Variants in CSMD1 observed in about 807,000 individuals in gnomAD.
The protein encoded by CSMD1 is CUB and Sushi multiple domains 1.
CSMD1 carries 213 observed loss-of-function variants against 417.5 expected under a neutral mutation model. That is an observed-to-expected ratio of 0.51 (90% CI 0.46 to 0.57). The LOEUF is 0.57. Among genes scored for constraint, CSMD1 ranks in the 20% least tolerant of loss-of-function variants. CSMD1 has a pLI of 0.00. For synonymous variants in CSMD1, 2,862 were observed against 1,736.8 expected (o/e 1.65, Z -16.11); for missense variants, 6,923 against 4,529.7 (o/e 1.53, Z -15.17).
At chr8:3,940,679 T>C (rs528589737) in intron 5 of CSMD1, among the ~76,000 whole-genome samples, 9 of 152,134 alleles carry the variant, frequency 5.9e-5, no homozygotes, top group Non-Finnish European at 8.8e-5. Context: ...CAAATTTCTA[T>C]AACATACCTA....
chr8:3,798,445 T>G (rs74402157), intron 5 of CSMD1, among the ~76,000 whole-genome samples: 2,531 of 152,182 alleles, frequency 0.017, 37 homozygotes, highest in Non-Finnish European at 0.027. Flanking sequence ...GATATACTCA[T>G]TTTGATTTCA....
At chr8:4,902,830 C>G (rs1270031847) in intron 1 of CSMD1, among the ~76,000 whole-genome samples, 1 of 151,902 alleles carries the variant, frequency 6.6e-6, no homozygotes, top group Non-Finnish European at 1.5e-5. Flanking sequence ...AATATACATA[C>G]ATACACATAT....
At chr8:4,334,628 C>A (rs1800061662) in intron 3 of CSMD1, among the ~76,000 whole-genome samples, 1 of 152,082 alleles carries the variant, frequency 6.6e-6, no homozygotes, top group Non-Finnish European at 1.5e-5. Context: ...AGAATGCTGA[C>A]TAATACATAG....
At chr8:3,382,753 T>C (rs1227417624) in intron 18 of CSMD1, among the ~76,000 whole-genome samples, 1 of 151,586 alleles carries the variant, frequency 6.6e-6, no homozygotes, top group Non-Finnish European at 1.5e-5. Context: ...TTATTTCATG[T>C]GTATATTACA....
At position 3,115,203 on chromosome 8, in the gene CSMD1, C is replaced by G. The variant is rs1042797757; in HGVS notation, c.6430+3196G>C. Among the ~76,000 whole-genome samples the G allele has an allele frequency of 1.6e-4, 23 of 141,150 alleles. 1 individual carries two copies. Among genetic ancestry groups the G allele is most frequent in the South Asian group, 9.9e-4 (4 of 4,026 alleles). 92.6% of individuals were successfully genotyped at this position (141,150 alleles called of 152,430 possible). A position where few individuals can be genotyped will look rare whatever the true frequency, so the allele number is the denominator to read the frequency against. On this transcript the variant is annotated intron_variant, in intron 42 of 69. Coordinates refer to ENST00000635120, the MANE Select transcript of CSMD1 (RefSeq NM_033225.6). ...ATTTTAACAATTACAATCCCCCCCC[C>G]CCCTTTTTTTTTTTTGAGATGGAGT...
intron 1 of CSMD1, among the ~76,000 whole-genome samples, chr8:4,917,963 T>C (rs1806182992): frequency 6.6e-6 from 1 of 152,304 alleles, no homozygotes; most frequent in South Asian, 2.1e-4. Flanking sequence ...AAGGTCTATT[T>C]AGTAGAGTGA....
chr8:4,463,942 T>C (rs887535100), intron 2 of CSMD1, among the ~76,000 whole-genome samples: 2 of 152,110 alleles, frequency 1.3e-5, no homozygotes, highest in Non-Finnish European at 2.9e-5. Flanking sequence ...AGCTCAGGAC[T>C]AGAGAACAGA....
chr8:4,212,691 A>C (rs1800389062), intron 3 of CSMD1, among the ~76,000 whole-genome samples: 1 of 150,840 alleles, frequency 6.6e-6, no homozygotes, highest in African/African-American at 2.4e-5. Flanking sequence ...ATAATTAGTT[A>C]TATGTAACCA....
chr8:4,631,856 T>A (rs574648255), intron 2 of CSMD1, among the ~76,000 whole-genome samples: 4 of 152,214 alleles, frequency 2.6e-5, no homozygotes, highest in Non-Finnish European at 5.9e-5. Flanking sequence ...CCAAAGCTAT[T>A]TCCCTAGGCC....
In CSMD1 at chr8:4,109,332, T is replaced by C. The variant is rs548006464; in HGVS notation, c.416-77233A>G. On this transcript the variant is annotated intron_variant, in intron 3 of 69. Transcript: ENST00000635120. ...TTTTCTATATTCCTCAAAGCTGAGCTATCATTTTCACGAATAAAATCTTAT... is the reference window on the plus strand; with the variant it reads ...TTTTCTATATTCCTCAAAGCTGAGCCATCATTTTCACGAATAAAATCTTAT... Among the ~76,000 whole-genome samples, 10 of 152,286 alleles carry C rather than the reference T, an allele frequency of 6.6e-5. No homozygotes were observed. In the East Asian group the frequency reaches 1.5e-3, roughly 24 times the overall value.
rs928620424 is a variant in CSMD1 at position 2,967,142 on chromosome 8, A to G, written c.8924-396T>C. On this transcript the variant is annotated intron_variant, in intron 57 of 69. Coordinates refer to ENST00000635120, the MANE Select transcript of CSMD1 (RefSeq NM_033225.6). ...AAAAAAGAATATCTATGATATTAGC[A>G]ACACTGAAGCATCTTCCTTTATGTA... Among the ~76,000 whole-genome samples the G allele has an allele frequency of 9.2e-5, 14 of 152,360 alleles. No homozygotes were observed. In the East Asian group the frequency reaches 2.7e-3, roughly 29 times the overall value.
At chr8:3,055,098 G>A (rs1049910196) in intron 49 of CSMD1, among the ~76,000 whole-genome samples, 2 of 152,168 alleles carry the variant, frequency 1.3e-5, no homozygotes, top group South Asian at 2.1e-4. Flanking sequence ...ATTCTCATTT[G>A]GGCAGAGCAG....
chr8:4,123,021 ACAAT>A (rs1371290878), intron 3 of CSMD1, among the ~76,000 whole-genome samples: 4 of 152,360 alleles, frequency 2.6e-5, no homozygotes, highest in East Asian at 1.9e-4. Context: ...TTGACAAATT[ACAAT>A]CAGAGACTGG....
intron 2 of CSMD1, among the ~76,000 whole-genome samples, chr8:4,533,393 A>G (rs944716229): frequency 7.9e-5 from 12 of 152,204 alleles, no homozygotes; most frequent in African/African-American, 1.2e-4. Context: ...TGAGATCCAT[A>G]TGACCAGGAT....
chr8:4,401,755 C>G (rs968366800), intron 3 of CSMD1, among the ~76,000 whole-genome samples: 4 of 152,168 alleles, frequency 2.6e-5, no homozygotes, highest in Non-Finnish European at 4.4e-5. Flanking sequence ...GGCGTCCCCT[C>G]TCTTGAACAT....
intron 30 of CSMD1, among the ~76,000 whole-genome samples, chr8:3,210,555 A>G (rs1242357634): frequency 3.4e-5 from 2 of 58,540 alleles, no homozygotes; most frequent in African/African-American, 1.6e-4. Context: ...ACGTGTGTAT[A>G]TATGTATAAT....
rs117054359 is a variant in CSMD1, at chr8:4,452,593, G to A, written c.303-32528C>T. Among the ~76,000 whole-genome samples, 1,407 of 152,180 alleles carry A rather than the reference G, an allele frequency of 9.2e-3. 7 individuals carry two copies. The highest frequency in any genetic ancestry group is 0.014 in the Non-Finnish European group (979 of 67,996). On this transcript the variant is annotated intron_variant, in intron 2 of 69. Coordinates refer to ENST00000635120, the MANE Select transcript of CSMD1 (RefSeq NM_033225.6). ...AAGAATATTAAACATCAGAAAACCG[G>A]TAACGAAAAAGATAATAGTTTTTAT... is the stretch of plus-strand genomic sequence containing the variant.
Position 3,230,026 on chromosome 8 carries a change from C to T in CSMD1, c.4345+14G>A. ...TTCCTGAATATAAAATTTCTAAGTT[C>T]TGTTGTCTGATACCTATGCATGTAG... On this transcript the variant is annotated intron_variant, in intron 27 of 69. Transcript: ENST00000635120. 3.3e-6 allele frequency: 5 copies of T among 1,517,536 alleles called. No homozygotes were observed. Among genetic ancestry groups the T allele is most frequent in the Non-Finnish European group, 4.4e-6 (5 of 1,127,632 alleles). The allele number at this position is 1,517,536 out of a possible 1,614,324, so 94.0% of individuals were successfully genotyped here.
At chr8:4,444,948 T>G (rs568465673) in intron 2 of CSMD1, among the ~76,000 whole-genome samples, 2 of 152,320 alleles carry the variant, frequency 1.3e-5, no homozygotes, top group South Asian at 2.1e-4. Flanking sequence ...ATAAAATAAC[T>G]GGGAAATCTC....
Sources: allele counts gnomAD v4.1 joint callset (sites outside exome capture counted in the v4.1 genomes callset), GRCh38; gene constraint gnomAD v4.1.1; transcripts MANE v1.5; gene names NCBI Gene and HGNC (gene_info 2026-07-23, HGNC 2026-07-21).